MCTP1: variants seen among roughly 807,000 people sequenced by gnomAD.
MCTP1 encodes the protein multiple C2 and transmembrane domain containing 1.
Under a neutral mutation model 120.6 loss-of-function variants are expected in MCTP1, and 69 were observed. The ratio of observed to expected loss-of-function variants is 0.57; its 90% CI spans 0.47 to 0.70. MCTP1 has a LOEUF of 0.70. Among genes scored for constraint, MCTP1 ranks in the 30% least tolerant of loss-of-function variants. MCTP1 has a pLI of 0.00. For missense variants in MCTP1, 1,203 were observed against 1,248.8 expected, an observed-to-expected ratio of 0.96 and a Z score of 0.55; for synonymous variants, 529 against 493.1, an observed-to-expected ratio of 1.07 and a Z score of -0.96.
intron 1 of MCTP1, among the ~76,000 whole-genome samples, chr5:95,151,865 C>G (rs764490346): frequency 6.6e-6 from 1 of 152,092 alleles, no homozygotes; most frequent in Non-Finnish European, 1.5e-5. Context: ...ACTCCCAAAA[C>G]AGTCCCCGAC....
At chr5:94,795,850 G>T (rs1580733469) in intron 18 of MCTP1, among the ~76,000 whole-genome samples, 1 of 152,078 alleles carries the variant, frequency 6.6e-6, no homozygotes, top group Non-Finnish European at 1.5e-5. Context: ...TACTTATTCT[G>T]TCCTTAACAG....
chr5:95,179,564 A>T (rs1748381135), intron 1 of MCTP1, among the ~76,000 whole-genome samples: 1 of 152,146 alleles, frequency 6.6e-6, no homozygotes, highest in South Asian at 2.1e-4. Context: ...AGAATTTTTT[A>T]TCCAGAGAAA....
At chr5:94,833,308 C>T (rs1485994441) in intron 17 of MCTP1, among the ~76,000 whole-genome samples, 1 of 151,984 alleles carries the variant, frequency 6.6e-6, no homozygotes. Flanking sequence ...AATGTCAACA[C>T]CTCATCAACT....
At chr5:95,260,755 G>A (rs1481925662) in intron 1 of MCTP1, among the ~76,000 whole-genome samples, 1 of 152,116 alleles carries the variant, frequency 6.6e-6, no homozygotes, top group Non-Finnish European at 1.5e-5. Flanking sequence ...AAGGTGCTGT[G>A]TGTGTGTCTT....
chr5:95,156,312 G>A (rs539150163), intron 1 of MCTP1, among the ~76,000 whole-genome samples: 134 of 152,328 alleles, frequency 8.8e-4, no homozygotes, highest in African/African-American at 3.1e-3. Flanking sequence ...GCATTTATCT[G>A]TGGATGATAC....
At chr5:95,068,572 G>A (rs1751279617) in intron 1 of MCTP1, among the ~76,000 whole-genome samples, 1 of 152,164 alleles carries the variant, frequency 6.6e-6, no homozygotes, top group Non-Finnish European at 1.5e-5. Context: ...GACACTTGGG[G>A]AACAGTAAAT....
At chr5:95,254,905 G>A (rs1233907797) in intron 1 of MCTP1, among the ~76,000 whole-genome samples, 2 of 151,926 alleles carry the variant, frequency 1.3e-5, no homozygotes, top group Non-Finnish European at 2.9e-5. Context: ...TCAAATTGTG[G>A]GATACAACCC....
intron 1 of MCTP1, among the ~76,000 whole-genome samples, chr5:95,184,162 T>C: frequency 6.6e-6 from 1 of 151,324 alleles, no homozygotes; most frequent in South Asian, 2.1e-4. Context: ...ATAATAATAA[T>C]AATAAAAAAA....
At chr5:94,835,742 C>T (rs913555906) in intron 17 of MCTP1, among the ~76,000 whole-genome samples, 22 of 152,184 alleles carry the variant, frequency 1.4e-4, no homozygotes, top group African/African-American at 2.9e-4. Context: ...CGGTGGCTCA[C>T]GCCTGTAATC....
At chr5:95,074,070 G>A (rs1752939786) in intron 1 of MCTP1, among the ~76,000 whole-genome samples, 1 of 152,052 alleles carries the variant, frequency 6.6e-6, no homozygotes. Context: ...GAGCAGAGAT[G>A]GTGCCACTGC....
intron 1 of MCTP1, among the ~76,000 whole-genome samples, chr5:95,171,797 A>C (rs980243507): frequency 8.0e-5 from 12 of 150,402 alleles, no homozygotes; most frequent in African/African-American, 2.7e-4. Context: ...TGGTTAATCT[A>C]GTTAGCCATT....
intron 21 of MCTP1, chr5:94,709,241 C>G (rs72773575): frequency 0.15 from 22,885 of 152,046 alleles, 1,925 homozygotes; most frequent in East Asian, 0.33. Context: ...GAATAAACTT[C>G]TGGAATCTTG....
intron 1 of MCTP1, among the ~76,000 whole-genome samples, chr5:95,063,091 T>C (rs1027495847): frequency 6.6e-6 from 1 of 152,242 alleles, no homozygotes; most frequent in Non-Finnish European, 1.5e-5. Context: ...GTGCTGGGGA[T>C]ACAGATGTGA....
chr5:94,958,709 G>C (rs1823323276), intron 2 of MCTP1, among the ~76,000 whole-genome samples: 1 of 152,102 alleles, frequency 6.6e-6, no homozygotes, highest in Admixed American at 6.5e-5. Context: ...ACCCTCCCAA[G>C]ACTAAACCAG....
At chr5:94,846,003 G>A (rs564090901) in intron 17 of MCTP1, among the ~76,000 whole-genome samples, 2 of 152,268 alleles carry the variant, frequency 1.3e-5, no homozygotes, top group East Asian at 3.9e-4. Flanking sequence ...AAAAATAACA[G>A]ATGCTGGTTA....
intron 1 of MCTP1, among the ~76,000 whole-genome samples, chr5:95,175,034 A>G (rs1167679940): frequency 1.3e-5 from 2 of 152,180 alleles, no homozygotes; most frequent in East Asian, 1.9e-4. Flanking sequence ...CATAAAATCT[A>G]TGCTTAAGTA....
intron 17 of MCTP1, among the ~76,000 whole-genome samples, chr5:94,829,115 C>T (rs996685518): frequency 6.6e-6 from 1 of 152,204 alleles, no homozygotes; most frequent in Admixed American, 6.5e-5. Context: ...CTGAGGGAAC[C>T]TCCTGATCTG....
intron 19 of MCTP1, among the ~76,000 whole-genome samples, chr5:94,776,257 T>C (rs1775295526): frequency 6.6e-6 from 1 of 152,144 alleles, no homozygotes; most frequent in South Asian, 2.1e-4. Context: ...CCTTGTCAAG[T>C]AGCCAATGAC....
At chr5:94,722,698 A>T (rs1358390201) in intron 19 of MCTP1, among the ~76,000 whole-genome samples, 1 of 152,152 alleles carries the variant, frequency 6.6e-6, no homozygotes, top group African/African-American at 2.4e-5. Flanking sequence ...CTTCTCCTTT[A>T]AAGTCTTGCT....
Sources: allele counts gnomAD v4.1 joint callset (sites outside exome capture counted in the v4.1 genomes callset), GRCh38; gene constraint gnomAD v4.1.1; transcripts MANE v1.5; gene names NCBI Gene and HGNC (gene_info 2026-07-23, HGNC 2026-07-21).